The following FAM169A variants were observed in gnomAD, a reference collection of about 807,000 sequenced individuals.
FAM169A encodes the protein soluble lamin-associated protein of 75 kDa.
In FAM169A, 24 loss-of-function variants were observed where a neutral mutation model predicts 75.7. The observed-to-expected ratio is 0.32, with a 90% CI of 0.23 to 0.45. FAM169A has a LOEUF of 0.45. Ranked by LOEUF, FAM169A falls within the 20% of genes least tolerant of loss-of-function variation. The pLI is 1.00. For synonymous variants in FAM169A, 271 were observed against 271.0 expected, an observed-to-expected ratio of 1.00 and a Z score of 0.00; for missense variants, 673 against 784.0, an observed-to-expected ratio of 0.86 and a Z score of 1.69.
chr5:74,801,399 A>G (rs1165155667), intron 9 of FAM169A, among the ~76,000 whole-genome samples, 191 bp downstream of exon 9: 1 of 152,162 alleles, frequency 6.6e-6, no homozygotes, highest in Non-Finnish European at 1.5e-5. Context: ...GAGGTACAAT[A>G]GCTTACTCAG....
chr5:74,837,245 T>TC (rs2112660367), intron 4 of FAM169A, among the ~76,000 whole-genome samples: 1 of 152,314 alleles, frequency 6.6e-6, no homozygotes, highest in South Asian at 2.1e-4. Flanking sequence ...TCAGAACTGT[T>TC]CCTGAGAACA....
chr5:74,788,480 C>A (rs1440222552), intron 11 of FAM169A, among the ~76,000 whole-genome samples: 1 of 151,980 alleles, frequency 6.6e-6, no homozygotes, highest in South Asian at 2.1e-4. Context: ...CCAAGGCGGG[C>A]GTATCACCTG....
intron 1 of FAM169A, among the ~76,000 whole-genome samples, chr5:74,864,244 T>C (rs1335980339): frequency 6.6e-6 from 1 of 152,246 alleles, no homozygotes; most frequent in East Asian, 1.9e-4. Context: ...TGGATATATA[T>C]TCCATCTTGG....
At chr5:74,802,101 C>T (rs191362850) in intron 8 of FAM169A, among the ~76,000 whole-genome samples, 17 of 152,244 alleles carry the variant, frequency 1.1e-4, no homozygotes, top group African/African-American at 2.9e-4. Context: ...TGCTTAATGA[C>T]GATTCAGTCA....
intron 10 of FAM169A, 51 bp from the exon 11 acceptor site, chr5:74,796,237 A>G (rs1746267716): frequency 6.6e-7 from 1 of 1,503,938 alleles, no homozygotes; most frequent in African/African-American, 1.4e-5. Flanking sequence ...GGATAAATAT[A>G]AAATCTCAGA....
Position 74,838,913 on chromosome 5 carries a change from A to G in FAM169A, c.318+52T>C, listed in dbSNP as rs377147354. 1.7e-3 allele frequency: 2,065 copies of G among 1,227,294 alleles called. 17 individuals carry two copies. Among genetic ancestry groups the G allele is most frequent in the Admixed American group, 1.7e-3 (103 of 59,442 alleles). The allele number at this position is 1,227,294 out of a possible 1,614,324, so 76.0% of individuals were successfully genotyped here. On this transcript the variant is annotated intron_variant, in intron 4 of 12. Transcript: ENST00000687041. Reference sequence around the variant, plus strand: ...CAAAAACTATCACTGTTTACAGGAAACACTGTGAAATGGCCTCAAAAGAAA... The same window carrying G: ...CAAAAACTATCACTGTTTACAGGAAGCACTGTGAAATGGCCTCAAAAGAAA...
At chr5:74,864,800 G>A (rs1383287354) in intron 1 of FAM169A, among the ~76,000 whole-genome samples, 1 of 152,192 alleles carries the variant, frequency 6.6e-6, no homozygotes, top group Non-Finnish European at 1.5e-5. Context: ...TGCGCTTCAA[G>A]TGTTAGGATA....
At chr5:74,782,151 T>C (rs1745445015) in intron 12 of FAM169A, 143 bp from the exon 13 acceptor site, 1 of 645,668 alleles carries the variant, frequency 1.5e-6, no homozygotes, top group East Asian at 2.7e-5. Context: ...TGAATTTCTG[T>C]TCTGCTATAT....
At chr5:74,865,417 C>CCA (rs1369621160) in intron 1 of FAM169A, 1 of 152,154 alleles carries the variant, frequency 6.6e-6, no homozygotes, top group African/African-American at 2.4e-5. Flanking sequence ...GATACGATAC[C>CCA]CACGCCGCTT....
At chr5:74,859,003 C>G (rs966800376) in intron 1 of FAM169A, among the ~76,000 whole-genome samples, 2 of 152,040 alleles carry the variant, frequency 1.3e-5, no homozygotes, top group Non-Finnish European at 2.9e-5. Flanking sequence ...CACCTGAGAT[C>G]AGGAGTTCAA....
intron 3 of FAM169A, 82 bp downstream of exon 3, chr5:74,839,992 C>A: frequency 4.4e-6 from 3 of 675,770 alleles, no homozygotes; most frequent in African/African-American, 1.9e-5. Flanking sequence ...AACCAAATTC[C>A]TTCATGTAGC....
rs1443345414 is a variant in FAM169A at position 74,861,576 on chromosome 5, G to A, written c.-4+4589C>T. On this transcript the variant is annotated intron_variant, in intron 1 of 12. Coordinates refer to ENST00000687041, the MANE Select transcript of FAM169A (RefSeq NM_001376049.1). ...CTAAAAATACAAAAATCAGCCAGGCGTGCTGATGGGCACCTGTAATCCCAG... is the reference window on the plus strand; with the variant it reads ...CTAAAAATACAAAAATCAGCCAGGCATGCTGATGGGCACCTGTAATCCCAG... Among the ~76,000 whole-genome samples the A allele has an allele frequency of 2.6e-5, 4 of 152,060 alleles. No individual in the cohort carries two copies. In the East Asian group the frequency reaches 5.8e-4, roughly 22 times the overall value.
At chr5:74,839,091 G>T in intron 3 of FAM169A, 41 bp from the exon 4 acceptor site, 1 of 1,458,482 alleles carries the variant, frequency 6.9e-7, no homozygotes. Flanking sequence ...GAGTTTTAAA[G>T]TACACTTTTA....
chr5:74,799,534 G>A, intron 10 of FAM169A: 2 of 1,549,406 alleles, frequency 1.3e-6, no homozygotes, highest in Non-Finnish European at 8.9e-7. Flanking sequence ...TGAAAAGCTG[G>A]CCAGCATGCC....
chr5:74,828,921 C>G (rs1258981495), intron 5 of FAM169A, among the ~76,000 whole-genome samples: 1 of 152,142 alleles, frequency 6.6e-6, no homozygotes. Flanking sequence ...CTGCCTACCA[C>G]TAGCAATATA....
intron 6 of FAM169A, among the ~76,000 whole-genome samples, chr5:74,806,054 ATACCAAGTATTTGAAACAAG>A (rs1180442794): frequency 6.6e-6 from 1 of 152,048 alleles, no homozygotes; most frequent in Admixed American, 6.5e-5. Flanking sequence ...GTCCAAGTAG[ATACCAAGTATTTGAAACAAG>A]TACCAAGTAT....
At chr5:74,801,418 T>C (rs574411535) in intron 9 of FAM169A, among the ~76,000 whole-genome samples, 172 bp downstream of exon 9, 2 of 152,280 alleles carry the variant, frequency 1.3e-5, no homozygotes, top group South Asian at 4.1e-4. Flanking sequence ...AGTGTTCACA[T>C]AGCAAAATCA....
rs745518771 is a variant in FAM169A at position 74,841,608 on chromosome 5, G to A, written c.69C>T (p.Tyr23=). The change falls in exon 2 of 13, where the codon TAC becomes TAT. Residue 23 remains tyrosine, a synonymous_variant. Transcript: ENST00000687041. ...GGTCCCCACACCTTAAATCTGACAT[G>A]TAATCTTCAGCAGAATTTTCCAATT... ...HEELENSAED[Y]MSDLRCGDPE... The A allele has an allele frequency of 1.2e-6, 2 of 1,612,584 alleles. No homozygotes were observed. Among genetic ancestry groups the A allele is most frequent in the South Asian group, 1.1e-5 (1 of 91,034 alleles).
At chr5:74,809,402 G>A (rs1238562945) in intron 6 of FAM169A, among the ~76,000 whole-genome samples, 1 of 151,958 alleles carries the variant, frequency 6.6e-6, no homozygotes, top group Non-Finnish European at 1.5e-5. Flanking sequence ...AGACCATCCT[G>A]GCTAACACAG....
Sources: allele counts gnomAD v4.1 joint callset (sites outside exome capture counted in the v4.1 genomes callset), GRCh38; gene constraint gnomAD v4.1.1; transcripts MANE v1.5; gene names NCBI Gene and HGNC (gene_info 2026-07-23, HGNC 2026-07-21).